The following PDE7B variants were observed in gnomAD, a reference collection of about 807,000 sequenced individuals.
PDE7B encodes phosphodiesterase 7B, also known as 3',5'-cyclic-AMP phosphodiesterase 7B.
A neutral mutation model predicts 56.2 loss-of-function variants in PDE7B; 29 were observed. The observed-to-expected ratio is 0.52, with a 90% CI of 0.38 to 0.70. PDE7B has a LOEUF of 0.70. PDE7B is among the 30% of genes least tolerant of loss of function. The pLI, the probability that PDE7B is intolerant of heterozygous loss-of-function variation, is 0.00. For synonymous variants in PDE7B, 197 were observed against 196.9 expected, an observed-to-expected ratio of 1.00 and a Z score of 0.00; for missense variants, 490 against 565.0, an observed-to-expected ratio of 0.87 and a Z score of 1.35.
At chr6:136,068,882 T>G (rs1309260285) in intron 2 of PDE7B, among the ~76,000 whole-genome samples, 1 of 152,196 alleles carries the variant, frequency 6.6e-6, no homozygotes, top group Non-Finnish European at 1.5e-5. Flanking sequence ...GGGTCAAATA[T>G]ATGTCAAAGC....
intron 2 of PDE7B, among the ~76,000 whole-genome samples, chr6:135,970,108 G>A (rs561174971): frequency 4.2e-4 from 64 of 152,148 alleles, no homozygotes; most frequent in African/African-American, 1.3e-3. Context: ...CTTTACCTGC[G>A]TGGAAATAGC....
chr6:136,139,597 G>T (rs1778281319), intron 3 of PDE7B, among the ~76,000 whole-genome samples: 1 of 152,140 alleles, frequency 6.6e-6, no homozygotes, highest in African/African-American at 2.4e-5. Context: ...CAGTGTAAAA[G>T]TGTTCCTATT....
rs1190744228 is a variant in PDE7B, at chr6:136,187,103, T to C, written c.1113T>C (p.Pro371=). 4.5e-6 allele frequency: 7 copies of C among 1,550,294 alleles called. No homozygotes were observed. The highest frequency in any genetic ancestry group is 6.2e-6 in the Non-Finnish European group (7 of 1,123,648). ...PLCNQQKDSI[P]SIQIGFMSYI... is the part of the protein sequence containing the mutation. Reference sequence around the variant, plus strand: ...GTAATCAACAGAAAGATTCCATCCCTAGTATACAAATTGGTGAGTTGAATT... The same window carrying C: ...GTAATCAACAGAAAGATTCCATCCCCAGTATACAAATTGGTGAGTTGAATT... Residue 371 remains proline (P), a synonymous_variant, in exon 12 of 13, where the codon CCT becomes CCC. Transcript: ENST00000308191.
intron 2 of PDE7B, among the ~76,000 whole-genome samples, chr6:136,010,307 C>T (rs191995969): frequency 1.2e-3 from 184 of 150,748 alleles, no homozygotes; most frequent in African/African-American, 4.1e-3. Context: ...GCCAATACTT[C>T]GAAACAATCT....
At chr6:135,979,867 A>G (rs1775262957) in intron 2 of PDE7B, among the ~76,000 whole-genome samples, 1 of 152,210 alleles carries the variant, frequency 6.6e-6, no homozygotes, top group Non-Finnish European at 1.5e-5. Context: ...CATACTGCCC[A>G]AGGTAATTTA....
intron 1 of PDE7B, among the ~76,000 whole-genome samples, chr6:135,905,793 C>T (rs1188359703): frequency 6.6e-6 from 1 of 152,156 alleles, no homozygotes; most frequent in Non-Finnish European, 1.5e-5. Flanking sequence ...GCATGAATCC[C>T]AGGCCTTTTT....
intron 8 of PDE7B, among the ~76,000 whole-genome samples, chr6:136,166,139 C>T (rs1778788943): frequency 6.6e-6 from 1 of 152,128 alleles, no homozygotes; most frequent in Non-Finnish European, 1.5e-5. Context: ...TCTAATGGCA[C>T]CTCAAACTCC....
At chr6:136,179,365 C>T (rs1779027349) in intron 10 of PDE7B, among the ~76,000 whole-genome samples, 1 of 152,092 alleles carries the variant, frequency 6.6e-6, no homozygotes, top group African/African-American at 2.4e-5. Context: ...ACAACAACAA[C>T]AAAAATCCAC....
At chr6:136,081,563 A>C (rs1392588252) in intron 2 of PDE7B, among the ~76,000 whole-genome samples, 2 of 152,224 alleles carry the variant, frequency 1.3e-5, no homozygotes, top group Non-Finnish European at 2.9e-5. Context: ...GAGCCTCACA[A>C]CTGATTCTCA....
chr6:136,149,753 C>T (rs1778480732), intron 5 of PDE7B, among the ~76,000 whole-genome samples: 1 of 152,120 alleles, frequency 6.6e-6, no homozygotes. Flanking sequence ...TTTATCTGGC[C>T]ATTAAACAAA....
chr6:136,077,473 A>G (rs1264410841), intron 2 of PDE7B, among the ~76,000 whole-genome samples: 1 of 150,464 alleles, frequency 6.6e-6, no homozygotes, highest in African/African-American at 2.4e-5. Flanking sequence ...GTGGTGAAAA[A>G]AGGGAAATGT....
Position 136,161,529 on chromosome 6 carries a change from G to C in PDE7B, c.711+5771G>C, listed in dbSNP as rs1299296536. ...GATCTTCTCATTGCATCTTGGAATTGACAAATGCAAGCTGATACATGTTAT... is the reference window on the plus strand; with the variant it reads ...GATCTTCTCATTGCATCTTGGAATTCACAAATGCAAGCTGATACATGTTAT... On this transcript the variant is annotated intron_variant, in intron 8 of 12. Coordinates refer to ENST00000308191, the MANE Select transcript of PDE7B (RefSeq NM_018945.4). 3.3e-5 allele frequency among the ~76,000 whole-genome samples: 5 copies of C among 152,288 alleles called. No homozygotes were observed. The South Asian group carries it at 6.2e-4, about 19-fold the overall frequency.
chr6:136,020,238 G>A (rs1238674886), intron 2 of PDE7B, among the ~76,000 whole-genome samples: 2 of 152,078 alleles, frequency 1.3e-5, no homozygotes, highest in African/African-American at 4.8e-5. Flanking sequence ...TCTCGTGGAC[G>A]AGGGAGACAA....
intron 2 of PDE7B, among the ~76,000 whole-genome samples, chr6:135,968,305 A>G (rs889744353): frequency 6.6e-6 from 1 of 152,160 alleles, no homozygotes; most frequent in Non-Finnish European, 1.5e-5. Context: ...AAATTGACCA[A>G]TGGGACCTAA....
chr6:135,883,247 G>C (rs934726448), intron 1 of PDE7B, among the ~76,000 whole-genome samples: 2 of 152,096 alleles, frequency 1.3e-5, no homozygotes, highest in African/African-American at 4.8e-5. Context: ...GGCTCAATTG[G>C]ACATACACTA....
At chr6:136,120,606 TA>T (rs978470273) in intron 3 of PDE7B, among the ~76,000 whole-genome samples, 1 of 152,094 alleles carries the variant, frequency 6.6e-6, no homozygotes, top group African/African-American at 2.4e-5. Context: ...AGCAGAAAAG[TA>T]AGGAATTTCC....
intron 8 of PDE7B, among the ~76,000 whole-genome samples, chr6:136,166,554 A>G (rs547615001): frequency 1.1e-4 from 16 of 152,282 alleles, no homozygotes; most frequent in African/African-American, 3.9e-4. Flanking sequence ...CGGCTAGAGC[A>G]GGAGCAAGAG....
chr6:136,172,660 T>G (rs1436411970), intron 8 of PDE7B, among the ~76,000 whole-genome samples: 2 of 151,954 alleles, frequency 1.3e-5, no homozygotes, highest in Admixed American at 6.5e-5. Context: ...TTGTCAATTT[T>G]GGCTTTTGTT....
chr6:136,025,389 T>G (rs1389297230), intron 2 of PDE7B, among the ~76,000 whole-genome samples: 1 of 152,236 alleles, frequency 6.6e-6, no homozygotes. Context: ...ATCATTGGAC[T>G]TCACTAGGTT....
Sources: gnomAD v4.1 joint callset for allele counts (sites outside exome capture counted in the v4.1 genomes callset) on GRCh38, gnomAD v4.1.1 for gene constraint, MANE v1.5 for transcripts, NCBI Gene and HGNC (gene_info 2026-07-23, HGNC 2026-07-21) for gene names.